The following SWAP70 variants were observed in gnomAD, a reference collection of about 807,000 sequenced individuals.
SWAP70 encodes the protein switch-associated protein 70.
In SWAP70, 34 loss-of-function variants were observed where a neutral mutation model predicts 80.2. The observed-to-expected ratio is 0.42, with a 90% CI of 0.32 to 0.56. The LOEUF (loss-of-function observed/expected upper bound fraction) is 0.56, where lower values mean the gene tolerates loss of function less well. Ranked by LOEUF, SWAP70 falls within the 20% of genes least tolerant of loss-of-function variation. The probability of loss-of-function intolerance (pLI) is 0.09; values close to 1 mark genes in which losing one functional copy is unlikely to be tolerated. For synonymous variants in SWAP70, 239 were observed against 238.5 expected (o/e 1.00, Z -0.02); for missense variants, 578 against 690.7 (o/e 0.84, Z 1.83).
rs142597991 is a variant in SWAP70, at chr11:9,721,923, T to C, written c.415-2735T>C. On this transcript the variant is annotated intron_variant, in intron 3 of 11. Transcript: ENST00000318950. ...AAGAAAAAGGAAAAAAATTAACTCATGATCCTATTGTAACAAATTAAACCT... is the reference window on the plus strand; with the variant it reads ...AAGAAAAAGGAAAAAAATTAACTCACGATCCTATTGTAACAAATTAAACCT... Among the ~76,000 whole-genome samples, 1,031 of 152,374 alleles carry C rather than the reference T, an allele frequency of 6.8e-3. 10 individuals carry two copies. The highest frequency in any genetic ancestry group is 8.8e-3 in the Admixed American group (135 of 15,300).
rs1192536952 is a variant in SWAP70, at chr11:9,720,240, A to G, written c.415-4418A>G. On this transcript the variant is annotated intron_variant, in intron 3 of 11. Transcript: ENST00000318950. ...ATGATTGTGTTGAAAGTCAGCAGGA[A>G]ATGAATCTAGATTAGTTGTCTGGCA... The G allele has an allele frequency of 3.0e-6, 3 of 985,286 alleles. No homozygotes were observed. The African/African-American group carries it at 5.2e-5, about 17-fold the overall frequency. The allele number at this position is 985,286 out of a possible 1,614,324, so 61.0% of individuals were successfully genotyped here.
chr11:9,726,568 TA>T (rs1243841636), intron 4 of SWAP70, among the ~76,000 whole-genome samples: 3 of 152,202 alleles, frequency 2.0e-5, no homozygotes, highest in Admixed American at 2.0e-4. Flanking sequence ...AGCTTTTGCT[TA>T]AATGTCCAAA....
intron 3 of SWAP70, among the ~76,000 whole-genome samples, chr11:9,717,622 T>G (rs1851082563): frequency 6.8e-6 from 1 of 146,104 alleles, no homozygotes; most frequent in Non-Finnish European, 1.5e-5. Flanking sequence ...ATCATGCCAC[T>G]GCATTGTAGC....
chr11:9,695,311 A>G (rs1850741827), intron 2 of SWAP70, among the ~76,000 whole-genome samples: 1 of 151,816 alleles, frequency 6.6e-6, no homozygotes, highest in Non-Finnish European at 1.5e-5. Context: ...AAAAAAAAAT[A>G]CGTGCACACG....
In SWAP70 at chr11:9,732,680, C is replaced by A; in HGVS notation, c.1050C>A (p.Ser350Arg). 1 of 1,556,836 alleles carries A rather than the reference C, an allele frequency of 6.4e-7. No individual in the cohort carries two copies. Among genetic ancestry groups the A allele is most frequent in the Non-Finnish European group, 8.7e-7 (1 of 1,149,994 alleles). ...QMKELQAANE[S>R]KQQELEAVRK... ...AGGAACTCCAGGCCGCCAACGAAAGCAAGCAGCAGGAGCTGGAGGCCGTGC... is the reference window on the plus strand; with the variant it reads ...AGGAACTCCAGGCCGCCAACGAAAGAAAGCAGCAGGAGCTGGAGGCCGTGC... Residue 350 changes from serine to arginine, a missense_variant, in exon 7 of 12, where the codon AGC becomes AGA. Transcript: ENST00000318950.
intron 1 of SWAP70, among the ~76,000 whole-genome samples, chr11:9,693,717 G>A (rs898396063): frequency 1.3e-5 from 2 of 151,802 alleles, no homozygotes; most frequent in Admixed American, 1.3e-4. Flanking sequence ...AGAACCCCTG[G>A]CTGCAGCCTC....
In SWAP70 at chr11:9,672,256, C is replaced by A. The variant is rs548548429; in HGVS notation, c.99+7978C>A. ...TTGTAAAGTAATCAGGTTGGTTCTTCCTTTCCATGTCCCATAAACTTCATA... is the reference window on the plus strand; with the variant it reads ...TTGTAAAGTAATCAGGTTGGTTCTTACTTTCCATGTCCCATAAACTTCATA... On this transcript the variant is annotated intron_variant, in intron 1 of 11. Transcript: ENST00000318950. Among the ~76,000 whole-genome samples the A allele has an allele frequency of 7.4e-3, 810 of 109,862 alleles. 8 individuals are homozygous for A. Among genetic ancestry groups the A allele is most frequent in the African/African-American group, 0.026 (764 of 28,954 alleles). 72.1% of individuals were successfully genotyped at this position (109,862 alleles called of 152,430 possible).
At chr11:9,723,765 T>C (rs1261415082) in intron 3 of SWAP70, among the ~76,000 whole-genome samples, 1 of 148,614 alleles carries the variant, frequency 6.7e-6, no homozygotes, top group Non-Finnish European at 1.5e-5. Flanking sequence ...TTTCTTTCCT[T>C]CTTTACTTTT....
chr11:9,734,666 G>T (rs1264481895), intron 7 of SWAP70, among the ~76,000 whole-genome samples: 2 of 152,122 alleles, frequency 1.3e-5, no homozygotes, highest in African/African-American at 4.8e-5. Flanking sequence ...TTGAGACAGG[G>T]TCCCGCTCTG....
rs35536132 is a variant in SWAP70, at chr11:9,701,618, T to TAA, written c.240+7344_240+7345dup. 1.8e-3 allele frequency among the ~76,000 whole-genome samples: 248 copies of TAA among 138,912 alleles called. 1 individual carries two copies. Among genetic ancestry groups the TAA allele is most frequent in the South Asian group, 0.015 (65 of 4,444 alleles). 91.1% of individuals were successfully genotyped at this position (138,912 alleles called of 152,430 possible). ...GACAACAAAGTAAGACCTTGTCTGT[T>TAA]AAAAAAAAAAAAATCCTTGTTTAGT... On this transcript the variant is annotated intron_variant, in intron 2 of 11. Coordinates refer to ENST00000318950, the MANE Select transcript of SWAP70 (RefSeq NM_015055.4).
chr11:9,749,229 TTTTTA>T (rs760330536), intron 11 of SWAP70, 46 bp downstream of exon 11: 4 of 1,077,138 alleles, frequency 3.7e-6, no homozygotes, highest in Non-Finnish European at 4.9e-6. Context: ...TTATTTTTCA[TTTTTA>T]TTTTATTTAA....
chr11:9,695,105 A>G (rs1395473406), intron 2 of SWAP70, among the ~76,000 whole-genome samples: 2 of 152,148 alleles, frequency 1.3e-5, no homozygotes, highest in African/African-American at 2.4e-5. Context: ...CCTGACCAAT[A>G]TGATGAAACC....
Position 9,740,252 on chromosome 11 carries a change from G to GTA in SWAP70, c.1260_1261insTA (p.Glu421Ter). On this transcript the variant is annotated frameshift_variant, in exon 9 of 12. Coordinates refer to ENST00000318950, the MANE Select transcript of SWAP70 (RefSeq NM_015055.4). LOFTEE classifies it high-confidence loss of function. ...TGGAACAGTATTTACAGCGAGTACGGGAGCTGGAAGACATGTACCTAAAGC... is the reference window on the plus strand; with the variant it reads ...TGGAACAGTATTTACAGCGAGTACGGTAGAGCTGGAAGACATGTACCTAAAGC... 6.2e-7 allele frequency: 1 copy of GTA among 1,614,206 alleles called. No individual in the cohort carries two copies. The highest frequency in any genetic ancestry group is 8.5e-7 in the Non-Finnish European group (1 of 1,180,024).
chr11:9,715,351 A>AGGCTAT (rs1296031963), intron 3 of SWAP70, among the ~76,000 whole-genome samples: 1 of 152,058 alleles, frequency 6.6e-6, no homozygotes, highest in Non-Finnish European at 1.5e-5. Context: ...ACAGGTGTGG[A>AGGCTAT]GGCTATGCAA....
chr11:9,673,077 A>G (rs1850440565), intron 1 of SWAP70, among the ~76,000 whole-genome samples: 2 of 152,128 alleles, frequency 1.3e-5, no homozygotes, highest in Non-Finnish European at 2.9e-5. Context: ...CTCCAGTTCA[A>G]TTCCAACACT....
chr11:9,713,206 C>T (rs1394954384), intron 2 of SWAP70, among the ~76,000 whole-genome samples: 2 of 152,112 alleles, frequency 1.3e-5, no homozygotes, highest in African/African-American at 2.4e-5. Context: ...ACACATGAAA[C>T]GGTAACTATT....
chr11:9,747,335 A>G (rs142946272), intron 9 of SWAP70, among the ~76,000 whole-genome samples: 6 of 152,236 alleles, frequency 3.9e-5, no homozygotes, highest in Admixed American at 6.5e-5. Context: ...TAGTATCTCT[A>G]TTCTGTCTGC....
At chr11:9,687,034 C>G (rs551458277) in intron 1 of SWAP70, among the ~76,000 whole-genome samples, 103 of 152,260 alleles carry the variant, frequency 6.8e-4, no homozygotes, top group Non-Finnish European at 1.4e-3. Context: ...AATGTGCATT[C>G]TTTTGATTAC....
At chr11:9,715,073 C>T (rs983878384) in intron 3 of SWAP70, among the ~76,000 whole-genome samples, 2 of 150,098 alleles carry the variant, frequency 1.3e-5, no homozygotes, top group African/African-American at 4.9e-5. Context: ...CTCCTGGGCT[C>T]AGGGGATCCT....
Sources: allele counts gnomAD v4.1 joint callset (sites outside exome capture counted in the v4.1 genomes callset), GRCh38; gene constraint gnomAD v4.1.1; transcripts MANE v1.5; gene names NCBI Gene and HGNC (gene_info 2026-07-23, HGNC 2026-07-21).